ERAP1: variants seen among roughly 807,000 people sequenced by gnomAD.
ERAP1 encodes the protein adipocyte-derived leucine aminopeptidase.
In ERAP1, 86 loss-of-function variants were observed where a neutral mutation model predicts 103.7. The ratio of observed to expected loss-of-function variants is 0.83; its 90% CI spans 0.70 to 0.99. The LOEUF is 0.99. ERAP1 is among the 50% of genes least tolerant of loss of function. ERAP1 has a pLI of 0.00. For missense variants in ERAP1, 1,009 were observed against 1,128.4 expected, an observed-to-expected ratio of 0.89 and a Z score of 1.52; for synonymous variants, 398 against 402.4, an observed-to-expected ratio of 0.99 and a Z score of 0.13.
the ERAP1 span, among the ~76,000 whole-genome samples, chr5:96,891,586 C>T: frequency 6.6e-6 from 1 of 151,180 alleles, no homozygotes; most frequent in Non-Finnish European, 1.5e-5. Flanking sequence ...CACACACACA[C>T]ACACACACGT....
chr5:96,927,588 G>A, the ERAP1 span, among the ~76,000 whole-genome samples: 31 of 152,004 alleles, frequency 2.0e-4, no homozygotes, highest in Non-Finnish European at 4.0e-4. Context: ...CCGGGTTCAC[G>A]CCATTCTCCT....
chr5:96,789,750 G>C (rs1776517368), intron 10 of ERAP1, among the ~76,000 whole-genome samples: 1 of 152,172 alleles, frequency 6.6e-6, no homozygotes, highest in Non-Finnish European at 1.5e-5. Context: ...ACATGAGTTA[G>C]ATCTAAATTC....
chr5:96,797,838 T>C (rs940623655), intron 3 of ERAP1, among the ~76,000 whole-genome samples: 4 of 152,216 alleles, frequency 2.6e-5, no homozygotes, highest in African/African-American at 7.2e-5. Flanking sequence ...TTGGCATATG[T>C]GGATTGATAA....
At chr5:96,857,060 C>A in the ERAP1 span, among the ~76,000 whole-genome samples, 4 of 152,208 alleles carry the variant, frequency 2.6e-5, no homozygotes, top group African/African-American at 4.8e-5. Context: ...ACTCCCCTGG[C>A]TGTTCCCCCA....
chr5:96,793,610 G>A, intron 6 of ERAP1, 97 bp from the exon 7 acceptor site: 1 of 1,113,652 alleles, frequency 9.0e-7, no homozygotes, highest in South Asian at 1.3e-5. Context: ...ATATTTACAG[G>A]ACCAATATTT....
At chr5:96,893,172 G>A in the ERAP1 span, among the ~76,000 whole-genome samples, 1 of 152,194 alleles carries the variant, frequency 6.6e-6, no homozygotes, top group South Asian at 2.1e-4. Flanking sequence ...TACAAATGTG[G>A]AATTGTAAAA....
the ERAP1 span, among the ~76,000 whole-genome samples, chr5:96,839,314 C>G: frequency 2.6e-5 from 4 of 152,310 alleles, 1 homozygote; most frequent in South Asian, 8.3e-4. Flanking sequence ...TCCCCACCAC[C>G]CCCCAGAGAT....
At chr5:96,893,981 G>T in the ERAP1 span, among the ~76,000 whole-genome samples, 8 of 152,122 alleles carry the variant, frequency 5.3e-5, no homozygotes, top group Non-Finnish European at 8.8e-5. Context: ...CTCAGGAAAT[G>T]AACACTGTCC....
At chr5:96,911,906 A>G in the ERAP1 span, among the ~76,000 whole-genome samples, 2 of 150,302 alleles carry the variant, frequency 1.3e-5, no homozygotes, top group Non-Finnish European at 3.0e-5. Context: ...AAAGAAAAAA[A>G]TGGCCGGGCG....
chr5:96,875,179 G>A, the ERAP1 span, among the ~76,000 whole-genome samples: 1 of 152,138 alleles, frequency 6.6e-6, no homozygotes, highest in Admixed American at 6.5e-5. Flanking sequence ...GGAAGGATGA[G>A]GACCTGGACT....
chr5:96,873,717 A>C, the ERAP1 span: 58 of 321,674 alleles, frequency 1.8e-4, no homozygotes, highest in Non-Finnish European at 3.2e-4. Flanking sequence ...AACACTGAAA[A>C]TGCATTCACC....
At chr5:96,827,651 T>C in the ERAP1 span, among the ~76,000 whole-genome samples, 1 of 150,698 alleles carries the variant, frequency 6.6e-6, no homozygotes, top group Non-Finnish European at 1.5e-5. Context: ...GGTGACAGAG[T>C]GAGACTCATC....
At position 96,792,078 on chromosome 5, in the gene ERAP1, C is replaced by T; in HGVS notation, c.1303G>A (p.Asp435Asn). ...ACTTTTACCTTATCATAAGAAACAT[C>T]ATCAAACATCTCCCGGATCTGAGCA... is the stretch of plus-strand genomic sequence containing the variant. ...NPAQIREMFD[D>N]VSYDKGACIL... is the part of the protein sequence containing the mutation. Residue 435 changes from aspartate (D) to asparagine (N), a missense_variant, in exon 8 of 19, where the codon GAT (aspartate) becomes AAT (asparagine). By Grantham distance (23) the Asp-to-Asn change is conservative (BLOSUM62 1). Transcript: ENST00000443439. The T allele has an allele frequency of 1.2e-6, 2 of 1,614,082 alleles. No individual in the cohort carries two copies. The highest frequency in any genetic ancestry group is 2.2e-5 in the East Asian group (1 of 44,874).
exon 20 of ERAP1, chr5:96,761,749 TACC>T (rs1561604251): frequency 6.5e-6 from 1 of 153,784 alleles, no homozygotes; most frequent in Non-Finnish European, 1.5e-5. Context: ...TGACACCGTA[TACC>T]ACAATATACA....
the ERAP1 span, among the ~76,000 whole-genome samples, chr5:96,898,526 G>A: frequency 6.8e-6 from 1 of 148,072 alleles, no homozygotes. Context: ...CAAATTGCCT[G>A]AGGTCAGTCT....
At chr5:96,893,441 G>C in the ERAP1 span, among the ~76,000 whole-genome samples, 2 of 152,108 alleles carry the variant, frequency 1.3e-5, no homozygotes, top group Admixed American at 1.3e-4. Context: ...ACTGTGCTTC[G>C]AGAACACATG....
intron 3 of ERAP1, among the ~76,000 whole-genome samples, chr5:96,797,634 C>A (rs1777494270): frequency 6.6e-6 from 1 of 152,198 alleles, no homozygotes; most frequent in Non-Finnish European, 1.5e-5. Flanking sequence ...CCACTGCACT[C>A]CTGCCTGGAT....
the ERAP1 span, among the ~76,000 whole-genome samples, chr5:96,838,672 A>G: frequency 6.6e-6 from 1 of 152,210 alleles, no homozygotes; most frequent in Non-Finnish European, 1.5e-5. Context: ...ATTTCCTCCC[A>G]AAGTCCACAC....
chr5:96,877,323 A>G, the ERAP1 span, among the ~76,000 whole-genome samples: 2 of 151,952 alleles, frequency 1.3e-5, no homozygotes, highest in Non-Finnish European at 2.9e-5. Context: ...GGCCTTTACA[A>G]CCCTTACTAG....
Sources: gnomAD v4.1 joint callset for allele counts (sites outside exome capture counted in the v4.1 genomes callset) on GRCh38, gnomAD v4.1.1 for gene constraint, MANE v1.5 for transcripts, NCBI Gene and HGNC (gene_info 2026-07-23, HGNC 2026-07-21) for gene names.